The following FLRT2 variants were observed in gnomAD, a reference collection of about 807,000 sequenced individuals.
The protein encoded by FLRT2 is fibronectin leucine rich transmembrane protein 2.
In FLRT2, 15 loss-of-function variants were observed where a neutral mutation model predicts 40.0. That is an observed-to-expected ratio of 0.38 (90% confidence interval 0.25 to 0.58). The LOEUF (loss-of-function observed/expected upper bound fraction) is 0.58, where lower values mean the gene tolerates loss of function less well. Among genes scored for constraint, FLRT2 ranks in the 20% least tolerant of loss-of-function variants. The probability of loss-of-function intolerance (pLI) is 0.71; values close to 1 mark genes in which losing one functional copy is unlikely to be tolerated. For missense variants in FLRT2, 726 were observed against 840.0 expected, an observed-to-expected ratio of 0.86 and a Z score of 1.68; for synonymous variants, 380 against 336.8, an observed-to-expected ratio of 1.13 and a Z score of -1.41.
intron 1 of FLRT2, among the ~76,000 whole-genome samples, chr14:85,604,314 C>G (rs1254389841): frequency 1.3e-5 from 2 of 152,072 alleles, no homozygotes; most frequent in Admixed American, 6.6e-5. Flanking sequence ...TCCAGATCTT[C>G]CTTTACTTAT....
chr14:85,638,198 C>T lies in FLRT2; in HGVS notation c.*14701C>T, dbSNP rs960242630. On this transcript the variant is annotated 3_prime_UTR_variant, in exon 2 of 2. Coordinates refer to ENST00000330753, the MANE Select transcript of FLRT2 (RefSeq NM_013231.6). ...GGCCATTGCGATGGACAGACGCCAC[C>T]GCAGAGAGCAAGGTTTACCTGTGTG... 6.6e-6 allele frequency: 1 copy of T among 152,142 alleles called. No individual in the cohort carries two copies. Among genetic ancestry groups the T allele is most frequent in the Admixed American group, 6.5e-5 (1 of 15,278 alleles). The allele number at this position is 152,142 out of a possible 1,614,324, so 9.4% of individuals were successfully genotyped here.
rs1233294760 is a variant in FLRT2, at chr14:85,637,091, G to A, written c.*13594G>A. ...GGGAAAAACTAGCAACATGTTTTGT[G>A]GAGATAAATGTAAACACATTTTACA... On this transcript the variant is annotated 3_prime_UTR_variant, in exon 2 of 2. Transcript: ENST00000330753. 1.3e-5 allele frequency: 2 copies of A among 152,060 alleles called. No individual in the cohort carries two copies. Among genetic ancestry groups the A allele is most frequent in the Non-Finnish European group, 2.9e-5 (2 of 68,014 alleles). 9.4% of individuals were successfully genotyped at this position (152,060 alleles called of 1,614,324 possible).
rs1936197823 is a variant in FLRT2, at chr14:85,637,956, A to G, written c.*14459A>G. 6.6e-6 allele frequency: 1 copy of G among 152,190 alleles called. No individual in the cohort carries two copies. The highest frequency in any genetic ancestry group is 1.5e-5 in the Non-Finnish European group (1 of 68,042). The allele number at this position is 152,190 out of a possible 1,614,324, so 9.4% of individuals were successfully genotyped here. A position where few individuals can be genotyped will look rare whatever the true frequency, so the allele number is the denominator to read the frequency against. ...GCTCCACCATCCTCCACTGTGCTTG[A>G]AATGCCTATCATTATCCTTATTCTT... On this transcript the variant is annotated 3_prime_UTR_variant, in exon 2 of 2. Transcript: ENST00000330753.
chr14:85,622,801 C>G lies in FLRT2; in HGVS notation c.1287C>G (p.Ile429Met), dbSNP rs199719611. ...PPISERIQLS[I>M]HFVNDTSIQV... ...TTTCTGAACGGATCCAGCTCTCTAT[C>G]CATTTTGTGAATGATACTTCCATTC... Residue 429 changes from isoleucine to methionine, a missense_variant, in exon 2 of 2, where the codon ATC becomes ATG. Transcript: ENST00000330753. 77 of 1,614,184 alleles carry G rather than the reference C, an allele frequency of 4.8e-5. No individual in the cohort carries two copies. The highest frequency in any genetic ancestry group is 6.4e-5 in the Non-Finnish European group (76 of 1,180,036).
rs144276352 is a variant in FLRT2, at chr14:85,564,681, T to C, written c.-377+34147T>C. The stretch of plus-strand genomic sequence containing the variant: ...TTTCTGTGTCTTTTGAAGACGTGGG[T>C]AACTCTATTACAGAAAAATACTACT... On this transcript the variant is annotated intron_variant, in intron 1 of 1. Transcript: ENST00000330753. Among the ~76,000 whole-genome samples, 173 of 152,338 alleles carry C rather than the reference T, an allele frequency of 1.1e-3. 3 individuals carry two copies. The highest frequency in any genetic ancestry group is 6.8e-3 in the Middle Eastern group (2 of 294).
Position 85,623,391 on chromosome 14 carries a change from C to G in FLRT2, c.1877C>G (p.Pro626Arg), listed in dbSNP as rs773331681. The change falls in exon 2 of 2, where the codon CCC becomes CGC. Residue 626 changes from proline to arginine, a missense_variant. Pro to Arg is a moderately radical substitution (Grantham distance 103). Around this residue, in one of 3 missense-constraint regions of FLRT2, gnomAD observed 611 missense variants for 690.0 expected, o/e 0.89. Coordinates refer to ENST00000330753, the MANE Select transcript of FLRT2 (RefSeq NM_013231.6). ...CTTAAAGGAGATTTCAGACTGCAGCCCATTTACACCCCAAATGGGGGCATT... is the reference window on the plus strand; with the variant it reads ...CTTAAAGGAGATTTCAGACTGCAGCGCATTTACACCCCAAATGGGGGCATT... ...QLLKGDFRLQ[P>R]IYTPNGGINY... 6.6e-7 allele frequency: 1 copy of G among 1,514,846 alleles called. No individual in the cohort carries two copies. The allele number at this position is 1,514,846 out of a possible 1,614,324, so 93.8% of individuals were successfully genotyped here.
rs1310304549 is a variant in FLRT2, at chr14:85,635,187, T to C, written c.*11690T>C. 1 of 152,174 alleles carries C rather than the reference T, an allele frequency of 6.6e-6. No individual in the cohort carries two copies. The highest frequency in any genetic ancestry group is 2.4e-5 in the African/African-American group (1 of 41,456). 9.4% of individuals were successfully genotyped at this position (152,174 alleles called of 1,614,324 possible). A position where few individuals can be genotyped will look rare whatever the true frequency, so the allele number is the denominator to read the frequency against. ...ACAGAATCACAAAGAACTGTGACTT[T>C]GTATCTGTGTGATATTATTTAATGT... On this transcript the variant is annotated 3_prime_UTR_variant, in exon 2 of 2. Coordinates refer to ENST00000330753, the MANE Select transcript of FLRT2 (RefSeq NM_013231.6).
At chr14:85,597,598 C>G (rs1358533831) in intron 1 of FLRT2, among the ~76,000 whole-genome samples, 1 of 152,080 alleles carries the variant, frequency 6.6e-6, no homozygotes, top group African/African-American at 2.4e-5. Flanking sequence ...CTCTTGTTGC[C>G]CAATCCAGAG....
chr14:85,573,641 C>T (rs1890996776), intron 1 of FLRT2, among the ~76,000 whole-genome samples: 1 of 152,098 alleles, frequency 6.6e-6, no homozygotes, highest in Admixed American at 6.5e-5. Flanking sequence ...AATTGTTTAA[C>T]GGTGACAGCA....
At position 85,575,369 on chromosome 14, in the gene FLRT2, A is replaced by G. The variant is rs147829923; in HGVS notation, c.-377+44835A>G. ...TTTTGCAAACTCAAAAATATCTACT[A>G]ATACTTCTGATTTTCCACCTTAAAA... is the stretch of plus-strand genomic sequence containing the variant. On this transcript the variant is annotated intron_variant, in intron 1 of 1. Transcript: ENST00000330753. Among the ~76,000 whole-genome samples the G allele has an allele frequency of 2.2e-4, 34 of 152,156 alleles. No individual in the cohort carries two copies. In the East Asian group the frequency reaches 4.3e-3, roughly 19 times the overall value.
chr14:85,598,717 C>T (rs911671055), intron 1 of FLRT2, among the ~76,000 whole-genome samples: 1 of 152,094 alleles, frequency 6.6e-6, no homozygotes, highest in East Asian at 1.9e-4. Flanking sequence ...TTTTAATATG[C>T]AATCCTAGAT....
At chr14:85,587,808 C>T (rs1233244056) in intron 1 of FLRT2, among the ~76,000 whole-genome samples, 1 of 152,166 alleles carries the variant, frequency 6.6e-6, no homozygotes, top group African/African-American at 2.4e-5. Flanking sequence ...ATAAATTTCT[C>T]ATGATTAAAA....
intron 1 of FLRT2, among the ~76,000 whole-genome samples, chr14:85,539,876 C>A (rs1012173101): frequency 4.6e-5 from 7 of 152,174 alleles, no homozygotes; most frequent in Non-Finnish European, 7.4e-5. Flanking sequence ...CAAGAGATAT[C>A]ATCTAACCAA....
Position 85,542,930 on chromosome 14 carries a change from A to C in FLRT2, c.-377+12396A>C, listed in dbSNP as rs370113521. 7.6e-4 allele frequency among the ~76,000 whole-genome samples: 116 copies of C among 152,272 alleles called. 3 individuals are homozygous for C. The South Asian group carries it at 0.017, about 22-fold the overall frequency. On this transcript the variant is annotated intron_variant, in intron 1 of 1. Coordinates refer to ENST00000330753, the MANE Select transcript of FLRT2 (RefSeq NM_013231.6). ...CAAGACTTTGTCCCTGCTCACAGAG[A>C]AATCTGATAGGTTGGCCTATAGTCA... is the stretch of plus-strand genomic sequence containing the variant.
intron 1 of FLRT2, among the ~76,000 whole-genome samples, chr14:85,609,049 T>G (rs1892749202): frequency 6.6e-6 from 1 of 152,160 alleles, no homozygotes; most frequent in African/African-American, 2.4e-5. Flanking sequence ...GTCCAAAGTC[T>G]CTTCCTTTCC....
intron 1 of FLRT2, among the ~76,000 whole-genome samples, chr14:85,535,850 C>G (rs1372115272): frequency 2.1e-5 from 3 of 141,924 alleles, no homozygotes; most frequent in South Asian, 2.3e-4. Flanking sequence ...GCTAGCTGTA[C>G]TGTAGCAGAA....
At chr14:85,564,675 CGT>C (rs1164090962) in intron 1 of FLRT2, among the ~76,000 whole-genome samples, 3 of 152,162 alleles carry the variant, frequency 2.0e-5, no homozygotes, top group Admixed American at 6.5e-5. Context: ...CTTTTGAAGA[CGT>C]GGGTAACTCT....
chr14:85,623,036 A>T lies in FLRT2; in HGVS notation c.1522A>T (p.Ile508Phe). ...AFNYRAVEDT[I>F]CSEATTHASY... ...TAACTACCGCGCGGTAGAAGACACC[A>T]TTTGTTCAGAGGCCACCACCCATGC... Residue 508 changes from isoleucine to phenylalanine, a missense_variant, in exon 2 of 2, where the codon ATT becomes TTT. By Grantham distance (21) the Ile-to-Phe change is conservative. This residue lies in a region of FLRT2 where 611 missense variants were observed against 690.0 expected (regional missense o/e 0.89). Transcript: ENST00000330753. 2 of 1,614,130 alleles carry T rather than the reference A, an allele frequency of 1.2e-6. No homozygotes were observed. Among genetic ancestry groups the T allele is most frequent in the Non-Finnish European group, 1.7e-6 (2 of 1,180,024 alleles).
intron 1 of FLRT2, among the ~76,000 whole-genome samples, chr14:85,601,122 G>A (rs1892362125): frequency 1.3e-5 from 2 of 152,272 alleles, no homozygotes; most frequent in African/African-American, 2.4e-5. Flanking sequence ...AGGGACTAAG[G>A]TACAGGAAGC....
Sources: allele counts gnomAD v4.1 joint callset (sites outside exome capture counted in the v4.1 genomes callset), GRCh38; gene constraint gnomAD v4.1.1; regional missense constraint gnomAD v4.1.1; transcripts MANE v1.5; gene names NCBI Gene and HGNC (gene_info 2026-07-23, HGNC 2026-07-21).